Variants in IL2RA observed in about 807,000 individuals in gnomAD.
IL2RA encodes the protein interleukin 2 receptor subunit alpha.
In IL2RA, 24 loss-of-function variants were observed where a neutral mutation model predicts 37.8. The observed-to-expected ratio is 0.63, with a 90% CI of 0.46 to 0.89. The LOEUF is 0.89. IL2RA is among the 40% of genes least tolerant of loss of function. The probability of loss-of-function intolerance (pLI) is 0.00; values close to 1 mark genes in which losing one functional copy is unlikely to be tolerated. For synonymous variants in IL2RA, 125 were observed against 114.6 expected (o/e 1.09, Z -0.58); for missense variants, 319 against 348.6 (o/e 0.92, Z 0.68).
Position 6,021,393 on chromosome 10 carries a change from T to A in IL2RA, c.583+85A>T. On this transcript the variant is annotated intron_variant, in intron 4 of 7. Coordinates refer to ENST00000379959, the MANE Select transcript of IL2RA (RefSeq NM_000417.3). The surrounding 1 kb of genome is among the most constrained non-coding windows in gnomAD (Gnocchi z 4.9). Reference sequence around the variant, plus strand: ...GGGTCTTGTCCAAGGACCACTCTTGTCCAGCAGGAGTGGTCAGGGATTCCA... The same window carrying A: ...GGGTCTTGTCCAAGGACCACTCTTGACCAGCAGGAGTGGTCAGGGATTCCA... 6 of 1,114,696 alleles carry A rather than the reference T, an allele frequency of 5.4e-6. No homozygotes were observed. Among genetic ancestry groups the A allele is most frequent in the Non-Finnish European group, 8.2e-6 (6 of 727,372 alleles). 69.1% of individuals were successfully genotyped at this position (1,114,696 alleles called of 1,614,324 possible).
rs1290390565 is a variant in IL2RA, at chr10:6,035,527, A to G, written c.65-9502T>C. Among the ~76,000 whole-genome samples the G allele has an allele frequency of 3.9e-5, 6 of 152,114 alleles. No homozygotes were observed. The highest frequency in any genetic ancestry group is 8.8e-5 in the Non-Finnish European group (6 of 68,018). ...GCACATGAGGCTCTGAGCAGGCTAT[A>G]TCTCTATTCTGGCAATAAAAGTACT... On this transcript the variant is annotated intron_variant, in intron 1 of 7. Coordinates refer to ENST00000379959, the MANE Select transcript of IL2RA (RefSeq NM_000417.3). This position sits in a 1 kb window ranked among gnomAD's most constrained non-coding sequence, Gnocchi z 5.4.
chr10:6,051,631 G>A (rs1839960456), intron 1 of IL2RA, among the ~76,000 whole-genome samples: 1 of 145,714 alleles, frequency 6.9e-6, no homozygotes, highest in East Asian at 2.0e-4. Flanking sequence ...GGATTCTCCT[G>A]CCTCAGCCTC....
chr10:6,052,133 A>G (rs1839972909), intron 1 of IL2RA, among the ~76,000 whole-genome samples: 2 of 152,060 alleles, frequency 1.3e-5, no homozygotes, highest in Admixed American at 6.5e-5. Context: ...GAGCAAAGGA[A>G]AACTCTACAT....
At chr10:6,031,670 T>C (rs1390730661) in intron 1 of IL2RA, among the ~76,000 whole-genome samples, 1 of 151,236 alleles carries the variant, frequency 6.6e-6, no homozygotes, top group African/African-American at 2.4e-5. Context: ...ACCACTAAAC[T>C]GAAAACTCTG....
At position 6,044,243 on chromosome 10, in the gene IL2RA, G is replaced by T. The variant is rs375703690; in HGVS notation, c.64+17845C>A. Among the ~76,000 whole-genome samples, 38 of 152,372 alleles carry T rather than the reference G, an allele frequency of 2.5e-4. No homozygotes were observed. The East Asian group carries it at 6.4e-3, about 25-fold the overall frequency. ...AGGGTTCTTGGCTTTGCCCAGGAAG[G>T]AATTCAGGGGCAAGCCAGTGGTAGA... On this transcript the variant is annotated intron_variant, in intron 1 of 7. Coordinates refer to ENST00000379959, the MANE Select transcript of IL2RA (RefSeq NM_000417.3). This position sits in a 1 kb window ranked among gnomAD's most constrained non-coding sequence, Gnocchi z 4.5.
intron 1 of IL2RA, among the ~76,000 whole-genome samples, chr10:6,045,851 C>A (rs1031725798): frequency 6.6e-6 from 1 of 152,080 alleles, no homozygotes; most frequent in Non-Finnish European, 1.5e-5. Flanking sequence ...GTATAACTTA[C>A]AGGTAGAAAC....
At chr10:6,013,795 T>G (rs769167698) in intron 7 of IL2RA, among the ~76,000 whole-genome samples, 1 of 151,904 alleles carries the variant, frequency 6.6e-6, no homozygotes, top group Admixed American at 6.6e-5. Context: ...CCTTTGTTTT[T>G]AATATAATTT....
chr10:6,047,509 A>T lies in IL2RA; in HGVS notation c.64+14579T>A, dbSNP rs1314676374. ...AATCACGTCAGCTGAGACGCAACACACTGCATGCCGAACACACAGGAGAGC... is the reference window on the plus strand; with the variant it reads ...AATCACGTCAGCTGAGACGCAACACTCTGCATGCCGAACACACAGGAGAGC... On this transcript the variant is annotated intron_variant, in intron 1 of 7. Transcript: ENST00000379959. The surrounding 1 kb of genome is among the most constrained non-coding windows in gnomAD (Gnocchi z 5.0). Among the ~76,000 whole-genome samples, 1 of 152,138 alleles carries T rather than the reference A, an allele frequency of 6.6e-6. No homozygotes were observed. Among genetic ancestry groups the T allele is most frequent in the Non-Finnish European group, 1.5e-5 (1 of 68,022 alleles).
In IL2RA at chr10:6,054,826, G is replaced by A. The variant is rs544617074; in HGVS notation, c.64+7262C>T. ...ATTTATGGCATTATTTGCAATGTTT[G>A]ATCAATATTTGATCTTTCCCAGATT... On this transcript the variant is annotated intron_variant, in intron 1 of 7. Transcript: ENST00000379959. This position sits in a 1 kb window ranked among gnomAD's most constrained non-coding sequence, Gnocchi z 4.5. 3.3e-5 allele frequency among the ~76,000 whole-genome samples: 5 copies of A among 152,032 alleles called. No individual in the cohort carries two copies. The highest frequency in any genetic ancestry group is 1.2e-4 in the African/African-American group (5 of 41,374).
At position 6,018,230 on chromosome 10, in the gene IL2RA, C is replaced by T. The variant is rs1839311454; in HGVS notation, c.728-111G>A. The T allele has an allele frequency of 1.3e-6, 1 of 788,038 alleles. No homozygotes were observed. The highest frequency in any genetic ancestry group is 2.2e-6 in the Non-Finnish European group (1 of 449,988). The allele number at this position is 788,038 out of a possible 1,614,324, so 48.8% of individuals were successfully genotyped here. A position where few individuals can be genotyped will look rare whatever the true frequency, so the allele number is the denominator to read the frequency against. ...ACATCCCCAAAGAGCAAGGCGGAGG[C>T]TGCAGCCTCTCTTCCCTGTCTCAGG... is the stretch of plus-strand genomic sequence containing the variant. On this transcript the variant is annotated intron_variant, in intron 6 of 7. Coordinates refer to ENST00000379959, the MANE Select transcript of IL2RA (RefSeq NM_000417.3). This position sits in a 1 kb window ranked among gnomAD's most constrained non-coding sequence, Gnocchi z 5.1.
intron 1 of IL2RA, among the ~76,000 whole-genome samples, chr10:6,041,531 C>CAACA (rs1839772126): frequency 6.6e-6 from 1 of 152,006 alleles, no homozygotes. Context: ...AAGATAAATA[C>CAACA]AACAGTAAAA....
intron 1 of IL2RA, among the ~76,000 whole-genome samples, chr10:6,042,789 A>T (rs1839792221): frequency 6.6e-6 from 1 of 152,220 alleles, no homozygotes; most frequent in African/African-American, 2.4e-5. Flanking sequence ...GGTATCAATG[A>T]AACTTAAGAT....
chr10:6,025,895 C>A lies in IL2RA; in HGVS notation c.195G>T (p.Met65Ile). ...FRRIKSGSLY[M>I]LCTGNSSHSS... is the part of the protein sequence containing the mutation. ...AGTGGCTAGAGTTTCCTGTACAGAG[C>A]ATATAGAGTGACCCGCTTTTTATTC... Residue 65 changes from methionine (M) to isoleucine (I), a missense_variant, in exon 2 of 8, where the codon ATG (methionine) becomes ATT (isoleucine). Coordinates refer to ENST00000379959, the MANE Select transcript of IL2RA (RefSeq NM_000417.3). The surrounding 1 kb of genome is among the most constrained non-coding windows in gnomAD (Gnocchi z 4.4). The A allele has an allele frequency of 6.2e-7, 1 of 1,614,218 alleles. No homozygotes were observed. Among genetic ancestry groups the A allele is most frequent in the African/African-American group, 1.3e-5 (1 of 75,050 alleles).
rs1839319671 is a variant in IL2RA at position 6,018,657 on chromosome 10, G to A, written c.728-538C>T. Among the ~76,000 whole-genome samples the A allele has an allele frequency of 6.6e-6, 1 of 152,086 alleles. No homozygotes were observed. Among genetic ancestry groups the A allele is most frequent in the African/African-American group, 2.4e-5 (1 of 41,408 alleles). ...CTCCTTCCTCCCACTCTTGACCCCT[G>A]GCAGAGGCCCGGGGTACAGCCCTTC... On this transcript the variant is annotated intron_variant, in intron 6 of 7. Transcript: ENST00000379959. The surrounding 1 kb of genome is among the most constrained non-coding windows in gnomAD (Gnocchi z 5.1).
chr10:6,035,753 A>G lies in IL2RA; in HGVS notation c.65-9728T>C, dbSNP rs1044239220. ...TGGCCTGGGACCCACACCAAGACAG[A>G]GTCAAACCGAGTTCTTCTAGTGTTG... On this transcript the variant is annotated intron_variant, in intron 1 of 7. Transcript: ENST00000379959. This position sits in a 1 kb window ranked among gnomAD's most constrained non-coding sequence, Gnocchi z 5.4. Among the ~76,000 whole-genome samples, 2 of 152,178 alleles carry G rather than the reference A, an allele frequency of 1.3e-5. No homozygotes were observed. Among genetic ancestry groups the G allele is most frequent in the African/African-American group, 4.8e-5 (2 of 41,448 alleles).
In IL2RA at chr10:6,047,814, GATAA is replaced by G. The variant is rs12722504; in HGVS notation, c.64+14270_64+14273del. Reference sequence around the variant, plus strand: ...CATTAATATAATTAGTATATTATATGATAAATATATATAATAAAAGACATCATAC... The same window carrying G: ...CATTAATATAATTAGTATATTATATGATATATATAATAAAAGACATCATAC... On this transcript the variant is annotated intron_variant, in intron 1 of 7. Coordinates refer to ENST00000379959, the MANE Select transcript of IL2RA (RefSeq NM_000417.3). The surrounding 1 kb of genome is among the most constrained non-coding windows in gnomAD (Gnocchi z 5.0). Among the ~76,000 whole-genome samples the G allele has an allele frequency of 0.2, 29,916 of 149,606 alleles. 3,285 individuals carry two copies. Among genetic ancestry groups the G allele is most frequent in the Non-Finnish European group, 0.27 (17,897 of 67,468 alleles).
Position 6,046,896 on chromosome 10 carries a change from C to T in IL2RA, c.64+15192G>A, listed in dbSNP as rs960525536. On this transcript the variant is annotated intron_variant, in intron 1 of 7. Transcript: ENST00000379959. This position sits in a 1 kb window ranked among gnomAD's most constrained non-coding sequence, Gnocchi z 4.8. ...TTGGAGAGCTGAATTCCAAGGTGGC[C>T]ACGTTTCCTAAGGACATGGGAACTT... Among the ~76,000 whole-genome samples, 3 of 152,162 alleles carry T rather than the reference C, an allele frequency of 2.0e-5. No individual in the cohort carries two copies. Among genetic ancestry groups the T allele is most frequent in the Non-Finnish European group, 2.9e-5 (2 of 68,018 alleles).
chr10:6,030,654 A>G (rs1490648576), intron 1 of IL2RA, among the ~76,000 whole-genome samples: 2 of 152,238 alleles, frequency 1.3e-5, no homozygotes, highest in Non-Finnish European at 2.9e-5. Flanking sequence ...CAAGCAAAAG[A>G]GAAATTACAC....
chr10:6,043,375 T>C (rs556267390), intron 1 of IL2RA, among the ~76,000 whole-genome samples: 1 of 152,176 alleles, frequency 6.6e-6, no homozygotes, highest in Non-Finnish European at 1.5e-5. Context: ...AAGAATGAGA[T>C]TGGGTTGGAC....
Sources: gnomAD v4.1 joint callset for allele counts (sites outside exome capture counted in the v4.1 genomes callset) on GRCh38, gnomAD v4.1.1 for gene constraint, Gnocchi (gnomAD v3.1) non-coding constraint, MANE v1.5 for transcripts, NCBI Gene and HGNC (gene_info 2026-07-23, HGNC 2026-07-21) for gene names.